The following RHOT1 variants were observed in gnomAD, a reference collection of about 807,000 sequenced individuals.
RHOT1 encodes mitochondrial Rho GTPase 1.
In RHOT1, 27 loss-of-function variants were observed where a neutral mutation model predicts 95.3. The observed-to-expected ratio is 0.28, with a 90% confidence interval of 0.21 to 0.39. The LOEUF (loss-of-function observed/expected upper bound fraction) is 0.39. Ranked by LOEUF, RHOT1 falls within the 10% of genes least tolerant of loss-of-function variation. The pLI, the probability that RHOT1 is intolerant of heterozygous loss-of-function variation, is 1.00. For synonymous variants in RHOT1, 227 were observed against 263.5 expected, an observed-to-expected ratio of 0.86 and a Z score of 1.34; for missense variants, 578 against 786.7, an observed-to-expected ratio of 0.73 and a Z score of 3.17.
chr17:32,198,664 G>A (rs111365684), intron 11 of RHOT1, among the ~76,000 whole-genome samples: 194 of 152,278 alleles, frequency 1.3e-3, no homozygotes, highest in African/African-American at 4.5e-3. Context: ...AGCTGTGATC[G>A]TGCCACTGCA....
intron 8 of RHOT1, among the ~76,000 whole-genome samples, chr17:32,187,115 T>C (rs1370605724): frequency 1.3e-5 from 2 of 151,808 alleles, no homozygotes; most frequent in Admixed American, 6.6e-5. Context: ...GGCAAAACCC[T>C]GTCTCTACTA....
At chr17:32,177,828 CT>C (rs1200853876) in intron 6 of RHOT1, among the ~76,000 whole-genome samples, 195 of 137,272 alleles carry the variant, frequency 1.4e-3, no homozygotes, top group Admixed American at 1.6e-3. Context: ...TTTCTTTCTT[CT>C]TTTTTTTTTT....
intron 19 of RHOT1, among the ~76,000 whole-genome samples, chr17:32,221,926 CT>C (rs1457025930): frequency 1.3e-5 from 2 of 152,130 alleles, no homozygotes; most frequent in Non-Finnish European, 2.9e-5. Flanking sequence ...CATAGTGAGA[CT>C]TCATCTCTAT....
In RHOT1 at chr17:32,177,328, G is replaced by A. The variant is rs76961125; in HGVS notation, c.329+1115G>A. On this transcript the variant is annotated intron_variant, in intron 6 of 19. Transcript: ENST00000545287. ...CTAATGCTTACAGTAATGGAGAGTA[G>A]AGATAAAGAGCATTTCCATCATCAT... 1.0e-3 allele frequency among the ~76,000 whole-genome samples: 155 copies of A among 152,348 alleles called. 3 individuals are homozygous for A. In the East Asian group the frequency reaches 0.026, roughly 25 times the overall value.
At chr17:32,210,769 A>G (rs573007012) in intron 18 of RHOT1, among the ~76,000 whole-genome samples, 22 of 152,052 alleles carry the variant, frequency 1.4e-4, no homozygotes, top group Non-Finnish European at 2.6e-4. Flanking sequence ...TGGCTTACTC[A>G]GGTTTTCTTT....
intron 19 of RHOT1, among the ~76,000 whole-genome samples, chr17:32,220,294 C>T (rs542590965): frequency 9.9e-5 from 15 of 152,200 alleles, no homozygotes; most frequent in African/African-American, 1.9e-4. Context: ...CTCAGGAGTT[C>T]GAGGCTACGG....
intron 19 of RHOT1, among the ~76,000 whole-genome samples, chr17:32,219,524 T>A (rs2142959269): frequency 6.6e-6 from 1 of 152,356 alleles, no homozygotes; most frequent in South Asian, 2.1e-4. Flanking sequence ...TACATAGGAA[T>A]TTTGGCCAGT....
intron 1 of RHOT1, among the ~76,000 whole-genome samples, chr17:32,157,023 A>C (rs1194667437): frequency 6.6e-6 from 1 of 152,256 alleles, no homozygotes; most frequent in East Asian, 1.9e-4. Context: ...TGCTGGAACT[A>C]AGATTTCAGC....
At chr17:32,202,164 C>A (rs1047768132) in intron 14 of RHOT1, among the ~76,000 whole-genome samples, 1 of 152,182 alleles carries the variant, frequency 6.6e-6, no homozygotes, top group Non-Finnish European at 1.5e-5. Context: ...CCCCTGTTGG[C>A]CTCCCACAGT....
chr17:32,176,286 C>A (rs537393682), intron 6 of RHOT1, 73 bp downstream of exon 6: 1 of 1,133,068 alleles, frequency 8.8e-7, no homozygotes, highest in Non-Finnish European at 1.3e-6. Context: ...AGAAGTAGTA[C>A]ATTGAACTTC....
chr17:32,213,112 A>G (rs1280694130), intron 19 of RHOT1, among the ~76,000 whole-genome samples: 1 of 152,214 alleles, frequency 6.6e-6, no homozygotes, highest in Non-Finnish European at 1.5e-5. Context: ...AATTAAAGTC[A>G]GATGTTTTTC....
At position 32,178,995 on chromosome 17, in the gene RHOT1, C is replaced by T. The variant is rs537559267; in HGVS notation, c.329+2782C>T. The T allele has an allele frequency of 1.1e-3, 168 of 154,756 alleles. 1 individual carries two copies. Among genetic ancestry groups the T allele is most frequent in the African/African-American group, 4.0e-3 (161 of 40,564 alleles). 9.6% of individuals were successfully genotyped at this position (154,756 alleles called of 1,614,324 possible). ...AGTGAGGAGCGCCTCTGCCTGGCAGCCCTGTCTGGGAAGTGAGGAGCGCCT... is the reference window on the plus strand; with the variant it reads ...AGTGAGGAGCGCCTCTGCCTGGCAGTCCTGTCTGGGAAGTGAGGAGCGCCT... On this transcript the variant is annotated intron_variant, in intron 6 of 19. Coordinates refer to ENST00000545287, the MANE Select transcript of RHOT1 (RefSeq NM_001033566.3).
chr17:32,147,599 G>A (rs1220503939), intron 1 of RHOT1, among the ~76,000 whole-genome samples: 1 of 152,026 alleles, frequency 6.6e-6, no homozygotes, highest in Non-Finnish European at 1.5e-5. Context: ...AAGGTGGGTG[G>A]CTCAAAGGTC....
At chr17:32,203,231 TAAG>T (rs1157855553) in intron 15 of RHOT1, among the ~76,000 whole-genome samples, 9 of 150,788 alleles carry the variant, frequency 6.0e-5, no homozygotes, top group Admixed American at 2.7e-4. Flanking sequence ...CTCCCTTGAG[TAAG>T]AAGAAGAAGA....
intron 15 of RHOT1, among the ~76,000 whole-genome samples, 194 bp from the exon 16 acceptor site, chr17:32,203,696 A>G (rs1295359138): frequency 6.6e-6 from 1 of 152,212 alleles, no homozygotes; most frequent in Non-Finnish European, 1.5e-5. Flanking sequence ...TATGCAGAAC[A>G]AATACATCTT....
intron 8 of RHOT1, among the ~76,000 whole-genome samples, 199 bp from the exon 9 acceptor site, chr17:32,192,002 G>A (rs1010338091): frequency 6.6e-6 from 1 of 152,186 alleles, no homozygotes; most frequent in Non-Finnish European, 1.5e-5. Flanking sequence ...GGGAGAGCTT[G>A]ACCATTCCAA....
chr17:32,156,063 A>G (rs1377623739), intron 1 of RHOT1, among the ~76,000 whole-genome samples: 1 of 152,200 alleles, frequency 6.6e-6, no homozygotes, highest in African/African-American at 2.4e-5. Context: ...TTATTTAAGG[A>G]AAAAGGGTTA....
intron 1 of RHOT1, among the ~76,000 whole-genome samples, chr17:32,152,547 T>G (rs964382652): frequency 6.6e-6 from 1 of 152,112 alleles, no homozygotes; most frequent in African/African-American, 2.4e-5. Context: ...TTTCATTTGT[T>G]TCCTCTTATA....
chr17:32,165,993 T>G (rs1364830430), intron 1 of RHOT1, among the ~76,000 whole-genome samples: 2 of 151,938 alleles, frequency 1.3e-5, no homozygotes, highest in Non-Finnish European at 2.9e-5. Flanking sequence ...GAGACCTGCA[T>G]GGCCAACAAG....
Sources: gnomAD v4.1 joint callset for allele counts (sites outside exome capture counted in the v4.1 genomes callset) on GRCh38, gnomAD v4.1.1 for gene constraint, MANE v1.5 for transcripts, NCBI Gene and HGNC (gene_info 2026-07-23, HGNC 2026-07-21) for gene names.